The following PIAS2 variants were observed in gnomAD, a reference collection of about 807,000 sequenced individuals.
PIAS2 encodes the protein protein inhibitor of activated STAT 2, also known as E3 SUMO-protein ligase PIAS2.
A neutral mutation model predicts 69.7 loss-of-function variants in PIAS2; 19 were observed. The observed-to-expected ratio is 0.27, with a 90% CI of 0.19 to 0.40. PIAS2 has a LOEUF of 0.40. PIAS2 is among the 10% of genes least tolerant of loss of function. PIAS2 has a pLI of 1.00. For synonymous variants in PIAS2, 261 were observed against 263.2 expected, an observed-to-expected ratio of 0.99 and a Z score of 0.08; for missense variants, 624 against 757.0, an observed-to-expected ratio of 0.82 and a Z score of 2.06.
chr18:46,906,776 G>C (rs202042059), intron 1 of PIAS2, among the ~76,000 whole-genome samples: 3 of 142,432 alleles, frequency 2.1e-5, no homozygotes, highest in African/African-American at 7.9e-5. Context: ...GTGTGTGTGG[G>C]GGGGGGGGGA....
intron 1 of PIAS2, among the ~76,000 whole-genome samples, chr18:46,904,652 G>C (rs1337768744): frequency 2.0e-5 from 3 of 151,276 alleles, no homozygotes; most frequent in Non-Finnish European, 4.4e-5. Flanking sequence ...TCAGGAGGCT[G>C]AAACAGGAGA....
chr18:46,880,344 A>G (rs1049702330), intron 2 of PIAS2, among the ~76,000 whole-genome samples: 1 of 152,174 alleles, frequency 6.6e-6, no homozygotes. Context: ...TGATCTCACA[A>G]CTATACCCTG....
chr18:46,831,641 G>T (rs2043637436), intron 9 of PIAS2, among the ~76,000 whole-genome samples: 1 of 152,152 alleles, frequency 6.6e-6, no homozygotes. Flanking sequence ...CAATAGAACA[G>T]TTCAGAGATC....
rs2040902045 is a variant in PIAS2 at position 46,810,092 on chromosome 18, A to T, written c.*2341T>A. Reference sequence around the variant, plus strand: ...TGATAAACTTCAAAGTGTATTTTTTAAAATGCAAGTTGCCTGTATGAAATA... The same window carrying T: ...TGATAAACTTCAAAGTGTATTTTTTTAAATGCAAGTTGCCTGTATGAAATA... On this transcript the variant is annotated 3_prime_UTR_variant, in exon 14 of 14. Transcript: ENST00000585916. The T allele has an allele frequency of 6.6e-6, 1 of 152,204 alleles. No individual in the cohort carries two copies. Among genetic ancestry groups the T allele is most frequent in the South Asian group, 2.1e-4 (1 of 4,828 alleles). The allele number at this position is 152,204 out of a possible 1,614,324, so 9.4% of individuals were successfully genotyped here.
intron 7 of PIAS2, 75 bp from the exon 8 acceptor site, chr18:46,844,202 G>C (rs963737627): frequency 1.5e-6 from 1 of 651,258 alleles, no homozygotes; most frequent in African/African-American, 1.9e-5. Context: ...GAAATATATA[G>C]CATCTTAAAA....
chr18:46,885,562 T>C (rs1045007519), intron 2 of PIAS2, among the ~76,000 whole-genome samples: 2 of 151,590 alleles, frequency 1.3e-5, no homozygotes, highest in Non-Finnish European at 2.9e-5. Context: ...CTCATTATGG[T>C]TTTTTGACAT....
chr18:46,832,164 C>A (rs1197357591), intron 9 of PIAS2, among the ~76,000 whole-genome samples: 1 of 152,050 alleles, frequency 6.6e-6, no homozygotes. Flanking sequence ...TGCCTGTAAT[C>A]CCAGCACTTT....
At chr18:46,891,883 G>A (rs973607986) in intron 1 of PIAS2, among the ~76,000 whole-genome samples, 1 of 152,094 alleles carries the variant, frequency 6.6e-6, no homozygotes, top group African/African-American at 2.4e-5. Context: ...ACCCCTTGCA[G>A]CCTCAGGAAT....
Position 46,812,385 on chromosome 18 carries a change from G to A in PIAS2, c.*48C>T, listed in dbSNP as rs1599234203. 1.7e-5 allele frequency: 19 copies of A among 1,086,466 alleles called. No individual in the cohort carries two copies. The highest frequency in any genetic ancestry group is 1.0e-4 in the South Asian group (6 of 59,620). The allele number at this position is 1,086,466 out of a possible 1,614,324, so 67.3% of individuals were successfully genotyped here. On this transcript the variant is annotated 3_prime_UTR_variant, in exon 14 of 14. Transcript: ENST00000585916. ...ACGTTTCCACAGACTAGAGATCCAA[G>A]AAAAAGCAGTTCTGATGAATGATTC...
At chr18:46,853,916 CCT>C (rs1415345236) in intron 5 of PIAS2, 1 of 152,298 alleles carries the variant, frequency 6.6e-6, no homozygotes, top group African/African-American at 2.4e-5. Context: ...AGCAATCCCC[CCT>C]GACCATACCT....
At chr18:46,874,248 C>T (rs188513307) in intron 2 of PIAS2, among the ~76,000 whole-genome samples, 54 of 152,266 alleles carry the variant, frequency 3.5e-4, no homozygotes, top group Non-Finnish European at 6.6e-4. Context: ...CACTGAAATG[C>T]CCCCAATAGG....
At chr18:46,814,542 A>G (rs751892956) in intron 13 of PIAS2, among the ~76,000 whole-genome samples, 2 of 152,154 alleles carry the variant, frequency 1.3e-5, no homozygotes, top group African/African-American at 2.4e-5. Context: ...GCTGCTGTTC[A>G]TGTAATCAGA....
upstream of PIAS2, among the ~76,000 whole-genome samples, chr18:46,918,324 G>C (rs887857920): frequency 6.6e-6 from 1 of 152,110 alleles, no homozygotes; most frequent in Non-Finnish European, 1.5e-5. Context: ...ACACACGAGA[G>C]GTCTTTAAAA....
chr18:46,908,985 G>A (rs1207937791), intron 1 of PIAS2, among the ~76,000 whole-genome samples: 5 of 152,026 alleles, frequency 3.3e-5, no homozygotes, highest in East Asian at 1.9e-4. Flanking sequence ...CTCCAGCCAG[G>A]GCTACAGAGT....
At chr18:46,864,336 G>A in intron 2 of PIAS2, 88 bp from the exon 3 acceptor site, 1 of 783,942 alleles carries the variant, frequency 1.3e-6, no homozygotes, top group Non-Finnish European at 2.0e-6. Context: ...TTTTTATAAA[G>A]TACCTGCCAA....
intron 12 of PIAS2, chr18:46,817,227 C>A: frequency 1.0e-6 from 1 of 980,918 alleles, no homozygotes; most frequent in South Asian, 4.7e-5. Flanking sequence ...ATGTTAGTAA[C>A]TGAAACCTTT....
intron 2 of PIAS2, among the ~76,000 whole-genome samples, chr18:46,875,596 T>C (rs370434534): frequency 6.6e-6 from 1 of 152,180 alleles, no homozygotes; most frequent in South Asian, 2.1e-4. Flanking sequence ...ATCCAACACT[T>C]TCCCCAAACA....
intron 9 of PIAS2, among the ~76,000 whole-genome samples, chr18:46,835,546 G>A (rs909313135): frequency 2.0e-5 from 3 of 152,090 alleles, no homozygotes; most frequent in African/African-American, 7.2e-5. Context: ...CCCACCTCAC[G>A]TTCCTGTGTA....
At chr18:46,815,531 T>G (rs1420995657) in intron 12 of PIAS2, 182 bp from the exon 13 acceptor site, 1 of 985,090 alleles carries the variant, frequency 1.0e-6, no homozygotes. Flanking sequence ...GATGAATATA[T>G]TCTCTGATAA....
Sources: gnomAD v4.1 joint callset for allele counts (sites outside exome capture counted in the v4.1 genomes callset) on GRCh38, gnomAD v4.1.1 for gene constraint, MANE v1.5 for transcripts, NCBI Gene and HGNC (gene_info 2026-07-23, HGNC 2026-07-21) for gene names.